The following NEBL variants were observed in gnomAD, a reference collection of about 807,000 sequenced individuals.
NEBL encodes the protein nebulette, also known as LIM and SH3 protein 2.
NEBL carries 122 observed loss-of-function variants against 140.2 expected under a neutral mutation model. The ratio of observed to expected loss-of-function variants is 0.87; its 90% CI spans 0.75 to 1.01. The LOEUF is 1.01. Among genes scored for constraint, NEBL ranks in the 50% least tolerant of loss-of-function variants. The pLI is 0.00. For synonymous variants in NEBL, 436 were observed against 398.9 expected (o/e 1.09, Z -1.11); for missense variants, 1,365 against 1,231.3 (o/e 1.11, Z -1.62).
Position 20,913,318 on chromosome 10 carries a change from C to G in NEBL, c.357+48354G>C, listed in dbSNP as rs150769296. ...TTCCTAAAAGGCACTGCCGATCCTTCACATTGAACATCAGAAAAGGTACAC... is the reference window on the plus strand; with the variant it reads ...TTCCTAAAAGGCACTGCCGATCCTTGACATTGAACATCAGAAAAGGTACAC... On this transcript the variant is annotated intron_variant, in intron 4 of 6. Coordinates refer to the NEBL transcript ENST00000417816. Among the ~76,000 whole-genome samples the G allele has an allele frequency of 5.9e-4, 90 of 152,282 alleles. 1 individual carries two copies. Among genetic ancestry groups the G allele is most frequent in the Non-Finnish European group, 1.1e-3 (76 of 68,020 alleles).
intron 7 of NEBL, 27 bp from the exon 8 acceptor site, chr10:20,859,853 T>C (rs753472823): frequency 9.4e-7 from 1 of 1,065,270 alleles, no homozygotes; most frequent in Non-Finnish European, 1.4e-6. Context: ...ATAGTACATG[T>C]AACTTTACAT....
Position 20,801,109 on chromosome 10 carries a change from T to C in NEBL, c.2761+7401A>G, listed in dbSNP as rs986548572. Among the ~76,000 whole-genome samples, 4 of 152,220 alleles carry C rather than the reference T, an allele frequency of 2.6e-5. No homozygotes were observed. The East Asian group carries it at 7.7e-4, about 29-fold the overall frequency. The stretch of plus-strand genomic sequence containing the variant: ...GAACTATACCAAGTTGCCAACGTGC[T>C]ATGCTCTCTCTCGTCTACCCTTTTT... On this transcript the variant is annotated intron_variant, in intron 26 of 27. Transcript: ENST00000377122.
chr10:20,808,723 A>G (rs1837854684), intron 25 of NEBL, 64 bp from the exon 26 acceptor site: 13 of 1,507,436 alleles, frequency 8.6e-6, no homozygotes, highest in East Asian at 4.5e-5. Flanking sequence ...ATCAACAAAA[A>G]ATTACTTAAA....
At chr10:21,169,067 A>AAAAAAAAAAAAATATATATAT (rs1554830679) in intron 2 of NEBL, among the ~76,000 whole-genome samples, 1 of 23,072 alleles carries the variant, frequency 4.3e-5, no homozygotes, top group African/African-American at 1.3e-4. Context: ...AAAAAAAAAA[A>AAAAAAAAAAAAATATATATAT]ATATATATAT....
At chr10:21,026,814 G>A (rs955436254) in intron 2 of NEBL, among the ~76,000 whole-genome samples, 2 of 152,162 alleles carry the variant, frequency 1.3e-5, no homozygotes, top group Non-Finnish European at 2.9e-5. Flanking sequence ...TGAATTTGGG[G>A]AGGGTTTTCT....
chr10:21,143,778 C>T (rs1204052102), intron 2 of NEBL, among the ~76,000 whole-genome samples: 3 of 151,352 alleles, frequency 2.0e-5, no homozygotes, highest in Admixed American at 6.6e-5. Context: ...CCAGCCTTTA[C>T]GAACAAATAA....
chr10:20,780,493 C>T lies in NEBL; in HGVS notation c.*5254G>A, dbSNP rs946743929. The T allele has an allele frequency of 1.3e-5, 2 of 152,122 alleles. No individual in the cohort carries two copies. Among genetic ancestry groups the T allele is most frequent in the Non-Finnish European group, 2.9e-5 (2 of 68,036 alleles). The allele number at this position is 152,122 out of a possible 1,614,324, so 9.4% of individuals were successfully genotyped here. On this transcript the variant is annotated 3_prime_UTR_variant, in exon 28 of 28. Coordinates refer to ENST00000377122, the MANE Select transcript of NEBL (RefSeq NM_006393.3). ...CTTGACTGATTCACCAATGTAAATG[C>T]ACTGAAGGCAGCACACACCTCTGAT...
rs529206910 is a variant in NEBL at position 21,109,995 on chromosome 10, C to T, written c.164+62388G>A. On this transcript the variant is annotated intron_variant, in intron 2 of 6. Transcript: ENST00000417816. ...AATTTTTGAGGGGTTTTTCATGCCTCTATCTCCTTCACTTCTGCTTTGAGC... is the reference window on the plus strand; with the variant it reads ...AATTTTTGAGGGGTTTTTCATGCCTTTATCTCCTTCACTTCTGCTTTGAGC... Among the ~76,000 whole-genome samples, 14 of 152,210 alleles carry T rather than the reference C, an allele frequency of 9.2e-5. No individual in the cohort carries two copies. In the South Asian group the frequency reaches 2.9e-3, roughly 32 times the overall value.
intron 4 of NEBL, among the ~76,000 whole-genome samples, chr10:20,947,558 G>T (rs1835229929): frequency 6.6e-6 from 1 of 152,162 alleles, no homozygotes; most frequent in South Asian, 2.1e-4. Context: ...AACAGTCACA[G>T]TAATAATCGA....
Position 20,831,521 on chromosome 10 carries a change from G to A in NEBL, c.1512C>T (p.Asp504=). ...IKGKGMQVST[D]TLDVQRAKKA... ...TCTTAGCTCTCTGGACATCAAGAGT[G>A]TCTGTGCTCACCTGCATCCCTTTCC... The change falls in exon 15 of 28, where the codon GAC becomes GAT. Residue 504 remains aspartate, a synonymous_variant. Transcript: ENST00000377122. 2 of 1,612,336 alleles carry A rather than the reference G, an allele frequency of 1.2e-6. No individual in the cohort carries two copies. The highest frequency in any genetic ancestry group is 1.3e-5 in the African/African-American group (1 of 74,516).
chr10:21,062,054 T>C (rs1835329268), intron 2 of NEBL, among the ~76,000 whole-genome samples: 1 of 152,364 alleles, frequency 6.6e-6, no homozygotes, highest in African/African-American at 2.4e-5. Context: ...CTAGAATATC[T>C]AAGCAGTCAG....
intron 2 of NEBL, among the ~76,000 whole-genome samples, chr10:21,040,281 G>A (rs938232367): frequency 5.9e-5 from 9 of 152,092 alleles, no homozygotes; most frequent in Non-Finnish European, 7.4e-5. Flanking sequence ...CAGGAGAATC[G>A]CTCGAACCCA....
chr10:20,896,956 A>T lies in NEBL; in HGVS notation c.153+2T>A, dbSNP rs1191646609. 1 of 1,613,624 alleles carries T rather than the reference A, an allele frequency of 6.2e-7. No individual in the cohort carries two copies. Among genetic ancestry groups the T allele is most frequent in the Non-Finnish European group, 8.5e-7 (1 of 1,179,570 alleles). ...AAGACAAAAATTACTCCAGCCACTT[A>T]CATCGCTAATGAGTTCCGTGCATTT... is the stretch of plus-strand genomic sequence containing the variant. On this transcript the variant is annotated splice_donor_variant, in intron 2 of 27. Coordinates refer to ENST00000377122, the MANE Select transcript of NEBL (RefSeq NM_006393.3). LOFTEE classifies it high-confidence loss of function.
intron 2 of NEBL, among the ~76,000 whole-genome samples, chr10:21,152,794 C>T (rs1228040399): frequency 6.6e-6 from 1 of 152,180 alleles, no homozygotes; most frequent in Non-Finnish European, 1.5e-5. Flanking sequence ...AAGCTGTAGT[C>T]CAGAAATCCA....
upstream of NEBL, among the ~76,000 whole-genome samples, chr10:20,901,446 A>C (rs1847864562): frequency 6.6e-6 from 1 of 152,084 alleles, no homozygotes; most frequent in Non-Finnish European, 1.5e-5. Context: ...TGACTGTTTC[A>C]CACTTATTTC....
At chr10:21,263,847 C>G (rs1430914853) in intron 1 of NEBL, among the ~76,000 whole-genome samples, 1 of 152,164 alleles carries the variant, frequency 6.6e-6, no homozygotes, top group South Asian at 2.1e-4. Flanking sequence ...TGCCTATAAT[C>G]CCAGATACTC....
intron 2 of NEBL, among the ~76,000 whole-genome samples, chr10:21,130,866 G>GA (rs1421723549): frequency 2.0e-5 from 3 of 151,374 alleles, no homozygotes; most frequent in African/African-American, 7.3e-5. Flanking sequence ...AATGTAAGCA[G>GA]AAAAAAAGAA....
At chr10:20,799,247 C>T (rs1836862471) in intron 26 of NEBL, among the ~76,000 whole-genome samples, 1 of 152,160 alleles carries the variant, frequency 6.6e-6, no homozygotes, top group African/African-American at 2.4e-5. Context: ...CCTCCACCTC[C>T]CGGGTTCAAG....
chr10:21,026,813 G>A (rs1833518818), intron 2 of NEBL, among the ~76,000 whole-genome samples: 1 of 152,138 alleles, frequency 6.6e-6, no homozygotes, highest in South Asian at 2.1e-4. Context: ...TTGAATTTGG[G>A]GAGGGTTTTC....
Sources: gnomAD v4.1 joint callset for allele counts (sites outside exome capture counted in the v4.1 genomes callset) on GRCh38, gnomAD v4.1.1 for gene constraint, MANE v1.5 for transcripts, NCBI Gene and HGNC (gene_info 2026-07-23, HGNC 2026-07-21) for gene names.